Variants in PCDH9 observed in about 807,000 individuals in gnomAD.
PCDH9 encodes protocadherin 9, also known as protocadherin-9.
In PCDH9, 24 loss-of-function variants were observed where a neutral mutation model predicts 70.6. The ratio of observed to expected loss-of-function variants is 0.34; its 90% CI spans 0.25 to 0.48. The LOEUF is 0.48. Ranked by LOEUF, PCDH9 falls within the 20% of genes least tolerant of loss-of-function variation. The pLI, the probability that PCDH9 is intolerant of heterozygous loss-of-function variation, is 0.99. For synonymous variants in PCDH9, 562 were observed against 558.5 expected (o/e 1.01, Z -0.09); for missense variants, 1,281 against 1,503.6 (o/e 0.85, Z 2.45).
At chr13:66,675,133 C>T (rs2078225275) in intron 3 of PCDH9, among the ~76,000 whole-genome samples, 1 of 152,016 alleles carries the variant, frequency 6.6e-6, no homozygotes, top group South Asian at 2.1e-4. Context: ...CTGTAAAATA[C>T]AGTGAAGATT....
Position 67,060,841 on chromosome 13 carries a change from G to A in PCDH9, c.3037-157236C>T, listed in dbSNP as rs186736986. ...CAATTCCTCATTACTAGGAATATATGAAGCTTCTATGCTGTATTCTCTTTA... is the reference window on the plus strand; with the variant it reads ...CAATTCCTCATTACTAGGAATATATAAAGCTTCTATGCTGTATTCTCTTTA... On this transcript the variant is annotated intron_variant, in intron 2 of 4. Coordinates refer to ENST00000377865, the MANE Select transcript of PCDH9 (RefSeq NM_203487.3). Among the ~76,000 whole-genome samples, 44 of 152,114 alleles carry A rather than the reference G, an allele frequency of 2.9e-4. No homozygotes were observed. The Middle Eastern group carries it at 0.017, about 59-fold the overall frequency.
At chr13:66,863,559 C>T (rs1447112792) in intron 3 of PCDH9, among the ~76,000 whole-genome samples, 1 of 152,140 alleles carries the variant, frequency 6.6e-6, no homozygotes, top group African/African-American at 2.4e-5. Context: ...GATCTAGGCT[C>T]ACTGCAAGTT....
At chr13:67,182,191 T>C (rs577266475) in intron 2 of PCDH9, among the ~76,000 whole-genome samples, 3 of 152,214 alleles carry the variant, frequency 2.0e-5, no homozygotes, top group Non-Finnish European at 4.4e-5. Context: ...ATAATATTTC[T>C]ATTTAGATGC....
In PCDH9 at chr13:66,862,214, G is replaced by A. The variant is rs530151666; in HGVS notation, c.3138+41290C>T. ...CCTAACAATCTTTGGAGAAAGGGAT[G>A]GTGCATGTCCAAGCATTTCTTTTTC... On this transcript the variant is annotated intron_variant, in intron 3 of 4. Transcript: ENST00000377865. Among the ~76,000 whole-genome samples the A allele has an allele frequency of 1.6e-4, 25 of 152,262 alleles. 1 individual carries two copies. The highest frequency in any genetic ancestry group is 4.1e-4 in the South Asian group (2 of 4,828).
At chr13:67,164,730 G>C (rs2088062619) in intron 2 of PCDH9, among the ~76,000 whole-genome samples, 1 of 152,148 alleles carries the variant, frequency 6.6e-6, no homozygotes, top group Non-Finnish European at 1.5e-5. Context: ...TTTCATCTCA[G>C]GCCTTTGAGC....
At chr13:66,755,618 G>A (rs529434931) in intron 3 of PCDH9, among the ~76,000 whole-genome samples, 1 of 151,970 alleles carries the variant, frequency 6.6e-6, no homozygotes, top group Non-Finnish European at 1.5e-5. Context: ...GGGGTGGGGG[G>A]GCATCTAAAA....
At chr13:66,843,123 G>A (rs1329585779) in intron 3 of PCDH9, among the ~76,000 whole-genome samples, 1 of 152,162 alleles carries the variant, frequency 6.6e-6, no homozygotes, top group African/African-American at 2.4e-5. Flanking sequence ...ACAGGTGTGT[G>A]CCCTCAGCAA....
chr13:67,181,880 C>A (rs2088625611), intron 2 of PCDH9, among the ~76,000 whole-genome samples: 1 of 152,200 alleles, frequency 6.6e-6, no homozygotes, highest in African/African-American at 2.4e-5. Flanking sequence ...GCCTCCTCAG[C>A]AACATTTAAA....
At chr13:67,061,828 G>T (rs565954332) in intron 2 of PCDH9, among the ~76,000 whole-genome samples, 20 of 152,148 alleles carry the variant, frequency 1.3e-4, no homozygotes, top group Non-Finnish European at 1.6e-4. Context: ...AACAGACCTT[G>T]TAAGAGCAGA....
At chr13:66,418,364 T>A (rs1052003478) in intron 4 of PCDH9, among the ~76,000 whole-genome samples, 1 of 152,218 alleles carries the variant, frequency 6.6e-6, no homozygotes, top group African/African-American at 2.4e-5. Flanking sequence ...TTGGTCTACA[T>A]ATCTCTTTTG....
At chr13:67,148,411 G>A (rs2087576076) in intron 2 of PCDH9, among the ~76,000 whole-genome samples, 1 of 150,580 alleles carries the variant, frequency 6.6e-6, no homozygotes, top group African/African-American at 2.4e-5. Flanking sequence ...TCCTCTCCTA[G>A]GTAACAGTAA....
chr13:66,401,930 T>A (rs1324382079), intron 4 of PCDH9, among the ~76,000 whole-genome samples: 1 of 152,160 alleles, frequency 6.6e-6, no homozygotes, highest in Admixed American at 6.5e-5. Context: ...ACCCAACAGG[T>A]GACTAAACAG....
intron 3 of PCDH9, among the ~76,000 whole-genome samples, chr13:66,683,598 A>T (rs1291143380): frequency 6.6e-6 from 1 of 152,206 alleles, no homozygotes; most frequent in Non-Finnish European, 1.5e-5. Context: ...ACTCACATTA[A>T]TCATATGATA....
At chr13:66,417,108 T>C (rs1202493839) in intron 4 of PCDH9, among the ~76,000 whole-genome samples, 1 of 152,144 alleles carries the variant, frequency 6.6e-6, no homozygotes, top group Non-Finnish European at 1.5e-5. Flanking sequence ...ACATGTGCCA[T>C]GGTAGTTTGC....
At chr13:67,173,798 C>T (rs988537609) in intron 2 of PCDH9, among the ~76,000 whole-genome samples, 1 of 152,070 alleles carries the variant, frequency 6.6e-6, no homozygotes, top group Non-Finnish European at 1.5e-5. Context: ...AAACAGAATC[C>T]CACCACCCTC....
chr13:66,622,036 C>T (rs538141405), intron 4 of PCDH9, among the ~76,000 whole-genome samples: 1 of 152,356 alleles, frequency 6.6e-6, no homozygotes, highest in South Asian at 2.1e-4. Context: ...GGGCCCCGCA[C>T]TCGGAGCAGC....
intron 2 of PCDH9, among the ~76,000 whole-genome samples, chr13:67,006,002 A>G (rs781086343): frequency 2.8e-4 from 42 of 152,158 alleles, no homozygotes; most frequent in Non-Finnish European, 4.3e-4. Context: ...CAAGGCGGGC[A>G]GATCACGAGG....
chr13:66,888,393 T>G (rs529611975), intron 3 of PCDH9, among the ~76,000 whole-genome samples: 1 of 151,854 alleles, frequency 6.6e-6, no homozygotes, highest in East Asian at 1.9e-4. Context: ...TCCCAGCTAC[T>G]CGGGAGGCTG....
chr13:66,686,122 G>T (rs980132423), intron 3 of PCDH9, among the ~76,000 whole-genome samples: 2 of 152,126 alleles, frequency 1.3e-5, no homozygotes, highest in Non-Finnish European at 2.9e-5. Flanking sequence ...TGGTTTGCCT[G>T]TGTCCCCACC....
Sources: allele counts gnomAD v4.1 joint callset (sites outside exome capture counted in the v4.1 genomes callset), GRCh38; gene constraint gnomAD v4.1.1; transcripts MANE v1.5; gene names NCBI Gene and HGNC (gene_info 2026-07-23, HGNC 2026-07-21).